The following SDC1 variants were observed in gnomAD, a reference collection of about 807,000 sequenced individuals.
SDC1 encodes the protein syndecan 1.
A neutral mutation model predicts 29.7 loss-of-function variants in SDC1; 14 were observed. That is an observed-to-expected ratio of 0.47 (90% confidence interval 0.31 to 0.74). The LOEUF (loss-of-function observed/expected upper bound fraction) is 0.74, where lower values mean the gene tolerates loss of function less well. Ranked by LOEUF, SDC1 falls within the 30% of genes least tolerant of loss-of-function variation. The pLI is 0.05. For synonymous variants in SDC1, 204 were observed against 175.5 expected (o/e 1.16, Z -1.29); for missense variants, 406 against 400.3 (o/e 1.01, Z -0.12).
At position 20,224,657 on chromosome 2, in the gene SDC1, C is replaced by A; in HGVS notation, c.66+145G>T. 1 of 1,021,200 alleles carries A rather than the reference C, an allele frequency of 9.8e-7. No individual in the cohort carries two copies. Among genetic ancestry groups the A allele is most frequent in the Non-Finnish European group, 1.2e-6 (1 of 808,724 alleles). 63.3% of individuals were successfully genotyped at this position (1,021,200 alleles called of 1,614,324 possible). A position where few individuals can be genotyped will look rare whatever the true frequency, so the allele number is the denominator to read the frequency against. ...TGGGGCTGGAGCCCTGGTCTCGGGG[C>A]TCACCGTCCCGGGACCCGCTGGGCT... On this transcript the variant is annotated intron_variant, in intron 1 of 4. Transcript: ENST00000254351. The surrounding 1 kb of genome is among the most constrained non-coding windows in gnomAD (Gnocchi z 4.9).
At chr2:20,217,523 TC>T in intron 1 of SDC1, among the ~76,000 whole-genome samples, 1 of 152,028 alleles carries the variant, frequency 6.6e-6, no homozygotes, top group Non-Finnish European at 1.5e-5. Flanking sequence ...CTCAGCCCCT[TC>T]CCCCTATGTC....
Position 20,224,662 on chromosome 2 carries a change from C to A in SDC1, c.66+140G>T. Reference sequence around the variant, plus strand: ...CTGGAGCCCTGGTCTCGGGGCTCACCGTCCCGGGACCCGCTGGGCTAGCGC... The same window carrying A: ...CTGGAGCCCTGGTCTCGGGGCTCACAGTCCCGGGACCCGCTGGGCTAGCGC... On this transcript the variant is annotated intron_variant, in intron 1 of 4. Coordinates refer to ENST00000254351, the MANE Select transcript of SDC1 (RefSeq NM_002997.5). The surrounding 1 kb of genome is among the most constrained non-coding windows in gnomAD (Gnocchi z 4.9). The A allele has an allele frequency of 9.5e-7, 1 of 1,050,328 alleles. No homozygotes were observed. The highest frequency in any genetic ancestry group is 1.2e-6 in the Non-Finnish European group (1 of 834,828). 65.1% of individuals were successfully genotyped at this position (1,050,328 alleles called of 1,614,324 possible).
intron 1 of SDC1, chr2:20,223,303 C>T (rs530022537): frequency 1.2e-3 from 1,560 of 1,292,882 alleles, no homozygotes; most frequent in Middle Eastern, 0.01. Context: ...AAAACCAAAG[C>T]GCTCAATAAC....
intron 1 of SDC1, among the ~76,000 whole-genome samples, chr2:20,211,674 C>A (rs893516786): frequency 6.6e-6 from 1 of 152,248 alleles, no homozygotes; most frequent in Non-Finnish European, 1.5e-5. Context: ...AGCTGACAGG[C>A]AGGTGGGCTC....
rs41415453 is a variant in SDC1, at chr2:20,220,464, A to G, written c.66+4338T>C. ...GCTTCCTCATCCACAAAGTGGGGCA[A>G]TGATATATATTGTAAAGGTTTTGGG... On this transcript the variant is annotated intron_variant, in intron 1 of 4. Coordinates refer to ENST00000254351, the MANE Select transcript of SDC1 (RefSeq NM_002997.5). Among the ~76,000 whole-genome samples the G allele has an allele frequency of 6.5e-3, 985 of 152,302 alleles. 8 individuals carry two copies. Among genetic ancestry groups the G allele is most frequent in the African/African-American group, 0.022 (906 of 41,556 alleles).
chr2:20,219,146 G>A (rs897574503), intron 1 of SDC1, among the ~76,000 whole-genome samples: 9 of 151,918 alleles, frequency 5.9e-5, no homozygotes, highest in African/African-American at 1.9e-4. Flanking sequence ...GATTTCCCAC[G>A]GCACACCCCC....
At position 20,212,970 on chromosome 2, in the gene SDC1, C is replaced by T. The variant is rs1281799309; in HGVS notation, c.67-7546G>A. On this transcript the variant is annotated intron_variant, in intron 1 of 4. Coordinates refer to ENST00000254351, the MANE Select transcript of SDC1 (RefSeq NM_002997.5). ...CATTTAGTGTGAGGTCAGGGCTTTA[C>T]AGATGGGAAGCCTGAGGTCAAGGTC... Among the ~76,000 whole-genome samples the T allele has an allele frequency of 1.3e-5, 2 of 152,220 alleles. 1 individual carries two copies. Among genetic ancestry groups the T allele is most frequent in the Non-Finnish European group, 2.9e-5 (2 of 68,034 alleles).
chr2:20,225,174 G>C, upstream of SDC1: 1 of 208,604 alleles, frequency 4.8e-6, no homozygotes, highest in Non-Finnish European at 9.3e-6. Context: ...GCCAGCCCCA[G>C]TCCACACCCC....
intron 1 of SDC1, among the ~76,000 whole-genome samples, chr2:20,218,652 C>T (rs1264933542): frequency 1.3e-5 from 2 of 151,328 alleles, no homozygotes; most frequent in Non-Finnish European, 2.9e-5. Context: ...CACACACACA[C>T]ACAGAGACAC....
At chr2:20,203,261 C>G (rs763854562) in intron 3 of SDC1, 39 bp from the exon 4 acceptor site, 3 of 1,568,380 alleles carry the variant, frequency 1.9e-6, no homozygotes, top group Non-Finnish European at 2.6e-6. Context: ...GGCCAGGTCA[C>G]CGCCAGCAGC....
chr2:20,216,956 G>A (rs771388527), intron 1 of SDC1, among the ~76,000 whole-genome samples: 12 of 152,090 alleles, frequency 7.9e-5, no homozygotes, highest in African/African-American at 1.4e-4. Context: ...TCAAGCTCAC[G>A]CCACCGTGGG....
At chr2:20,215,171 C>G (rs1677590918) in intron 1 of SDC1, among the ~76,000 whole-genome samples, 1 of 152,260 alleles carries the variant, frequency 6.6e-6, no homozygotes, top group African/African-American at 2.4e-5. Context: ...ATAGAAAACC[C>G]AGCTCCTTCT....
At position 20,202,646 on chromosome 2, in the gene SDC1, G is replaced by A. The variant is rs1308878098; in HGVS notation, c.*120C>T. ...ACTCCGTGGGCAGGAGCGACCAGAG[G>A]GGCTGGAATGCTGGGGAGGTGGCCT... On this transcript the variant is annotated 3_prime_UTR_variant, in exon 5 of 5. Transcript: ENST00000254351. The A allele has an allele frequency of 4.1e-6, 4 of 973,930 alleles. No individual in the cohort carries two copies. Among genetic ancestry groups the A allele is most frequent in the African/African-American group, 1.6e-5 (1 of 61,250 alleles). 60.3% of individuals were successfully genotyped at this position (973,930 alleles called of 1,614,324 possible).
chr2:20,207,904 T>C, intron 1 of SDC1: 36 of 974,950 alleles, frequency 3.7e-5, no homozygotes, highest in Non-Finnish European at 4.3e-5. Context: ...GATCACAGAG[T>C]GGGCACCCCC....
intron 1 of SDC1, among the ~76,000 whole-genome samples, chr2:20,210,807 G>A (rs1156257252): frequency 1.3e-5 from 2 of 152,166 alleles, no homozygotes; most frequent in African/African-American, 2.4e-5. Flanking sequence ...CAGAAGCCCA[G>A]GCTGCGAGGT....
chr2:20,223,417 G>A, intron 1 of SDC1: 1 of 534,226 alleles, frequency 1.9e-6, no homozygotes, highest in South Asian at 1.7e-5. Flanking sequence ...CCCCGCCCCC[G>A]CCCCTTCCCT....
At position 20,211,787 on chromosome 2, in the gene SDC1, C is replaced by T. The variant is rs1357257087; in HGVS notation, c.67-6363G>A. On this transcript the variant is annotated intron_variant, in intron 1 of 4. Transcript: ENST00000254351. ...GGCACGGGAGAAAAAGCTGCAACAC[C>T]CTCTCCCAGTCCCACTGCCTTCCGA... Among the ~76,000 whole-genome samples, 3 of 152,356 alleles carry T rather than the reference C, an allele frequency of 2.0e-5. No homozygotes were observed. The East Asian group carries it at 5.8e-4, about 29-fold the overall frequency.
At chr2:20,205,256 C>G (rs974305232) in intron 2 of SDC1, 87 bp downstream of exon 2, 1 of 1,016,634 alleles carries the variant, frequency 9.8e-7, no homozygotes, top group African/African-American at 1.6e-5. Context: ...AGTACATGCT[C>G]AGTAAACACA....
intron 1 of SDC1, among the ~76,000 whole-genome samples, chr2:20,219,572 G>T (rs1042985785): frequency 1.3e-5 from 2 of 152,194 alleles, no homozygotes; most frequent in African/African-American, 4.8e-5. Context: ...GTCAGGGCAC[G>T]CATGTCCCAT....
Sources: gnomAD v4.1 joint callset for allele counts (sites outside exome capture counted in the v4.1 genomes callset) on GRCh38, gnomAD v4.1.1 for gene constraint, Gnocchi (gnomAD v3.1) non-coding constraint, MANE v1.5 for transcripts, NCBI Gene and HGNC (gene_info 2026-07-23, HGNC 2026-07-21) for gene names.